The following GABRB3 variants were observed in gnomAD, a reference collection of about 807,000 sequenced individuals.
GABRB3 encodes the protein gamma-aminobutyric acid type A receptor subunit beta3.
A neutral mutation model predicts 52.1 loss-of-function variants in GABRB3; 14 were observed. The ratio of observed to expected loss-of-function variants is 0.27; its 90% CI spans 0.18 to 0.42. GABRB3 has a LOEUF of 0.42. Among genes scored for constraint, GABRB3 ranks in the 10% least tolerant of loss-of-function variants. The pLI, the probability that GABRB3 is intolerant of heterozygous loss-of-function variation, is 1.00. For synonymous variants in GABRB3, 260 were observed against 232.3 expected (o/e 1.12, Z -1.08); for missense variants, 307 against 609.1 (o/e 0.50, Z 5.22).
chr15:26,768,314 T>C (rs1029590359), intron 3 of GABRB3, among the ~76,000 whole-genome samples: 5 of 152,214 alleles, frequency 3.3e-5, no homozygotes, highest in Non-Finnish European at 5.9e-5. Flanking sequence ...TTACTATCAC[T>C]AGAGTCTGAA....
At chr15:26,628,448 T>C (rs1377783487) in intron 3 of GABRB3, among the ~76,000 whole-genome samples, 1 of 152,060 alleles carries the variant, frequency 6.6e-6, no homozygotes, top group Non-Finnish European at 1.5e-5. Context: ...CTAGGTTAAG[T>C]GCTATACTAA....
intron 3 of GABRB3, among the ~76,000 whole-genome samples, chr15:26,746,255 T>C (rs1890336139): frequency 6.6e-6 from 1 of 152,122 alleles, no homozygotes; most frequent in Non-Finnish European, 1.5e-5. Context: ...GCCATCTGTA[T>C]ATACTCTTTC....
At chr15:26,580,631 T>G (rs2140731269) in intron 5 of GABRB3, 175 bp from the exon 6 acceptor site, 1 of 820,954 alleles carries the variant, frequency 1.2e-6, no homozygotes, top group Non-Finnish European at 2.0e-6. Flanking sequence ...ATTCTCATGT[T>G]ACTGCTGCCA....
In GABRB3 at chr15:26,622,758, G is replaced by C. The variant is rs143448680; in HGVS notation, c.241-1224C>G. Among the ~76,000 whole-genome samples, 817 of 152,286 alleles carry C rather than the reference G, an allele frequency of 5.4e-3. 10 individuals are homozygous for C. Among genetic ancestry groups the C allele is most frequent in the African/African-American group, 0.019 (786 of 41,560 alleles). On this transcript the variant is annotated intron_variant, in intron 3 of 8. Transcript: ENST00000311550. ...CTGCTCTCAATAGTGTTGGAATATA[G>C]AGGCTTAGGGACTGATAGAGGACAT...
At chr15:26,596,421 G>C (rs1469633543) in intron 4 of GABRB3, among the ~76,000 whole-genome samples, 1 of 152,074 alleles carries the variant, frequency 6.6e-6, no homozygotes, top group Non-Finnish European at 1.5e-5. Flanking sequence ...CCTGGCTAAT[G>C]CAAGCAGAAA....
At chr15:26,692,363 T>C (rs1182766984) in intron 3 of GABRB3, among the ~76,000 whole-genome samples, 2 of 152,192 alleles carry the variant, frequency 1.3e-5, no homozygotes, top group African/African-American at 4.8e-5. Flanking sequence ...CTACCTTTTC[T>C]TGGTGGCAGC....
At chr15:26,695,845 G>C (rs1888722463) in intron 3 of GABRB3, among the ~76,000 whole-genome samples, 1 of 152,166 alleles carries the variant, frequency 6.6e-6, no homozygotes, top group Admixed American at 6.5e-5. Flanking sequence ...AAAACAGAGA[G>C]CAGAGAGGCT....
chr15:26,654,969 A>C (rs1887321863), intron 3 of GABRB3, among the ~76,000 whole-genome samples: 1 of 152,052 alleles, frequency 6.6e-6, no homozygotes. Context: ...AGTAGCTAAG[A>C]CTGTCACCAT....
rs530415245 is a variant in GABRB3, at chr15:26,723,768, G to A, written c.240+48634C>T. On this transcript the variant is annotated intron_variant, in intron 3 of 8. Coordinates refer to ENST00000311550, the MANE Select transcript of GABRB3 (RefSeq NM_000814.6). ...TTGTTTTGTGAATGAGGATATCACT[G>A]CCTACCACATTTCTCTCTGATTATC... 9.8e-5 allele frequency among the ~76,000 whole-genome samples: 15 copies of A among 152,304 alleles called. No homozygotes were observed. The South Asian group carries it at 1.5e-3, about 15-fold the overall frequency.
In GABRB3 at chr15:26,543,703, A is replaced by G. The variant is rs986820148; in HGVS notation, c.*4090T>C. On this transcript the variant is annotated 3_prime_UTR_variant, in exon 9 of 9. Coordinates refer to ENST00000311550, the MANE Select transcript of GABRB3 (RefSeq NM_000814.6). ...AAACTGGGTTTAAATTTATCTTTAC[A>G]ATAAAATGAAATCAACATGAGAATT... 1 of 152,634 alleles carries G rather than the reference A, an allele frequency of 6.6e-6. No homozygotes were observed. The highest frequency in any genetic ancestry group is 1.5e-5 in the Non-Finnish European group (1 of 68,040). 9.5% of individuals were successfully genotyped at this position (152,634 alleles called of 1,614,324 possible). A position where few individuals can be genotyped will look rare whatever the true frequency, so the allele number is the denominator to read the frequency against.
rs57833685 is a variant in GABRB3, at chr15:26,649,658, C to CTGTGTGTGTGTGTGTGTGTGTGTGTGTG, written c.241-28152_241-28125dup. 1.4e-4 allele frequency among the ~76,000 whole-genome samples: 18 copies of CTGTGTGTGTGTGTGTGTGTGTGTGTGTG among 130,094 alleles called. 1 individual carries two copies. The highest frequency in any genetic ancestry group is 3.0e-4 in the African/African-American group (10 of 32,918). 85.3% of individuals were successfully genotyped at this position (130,094 alleles called of 152,430 possible). ...AGAAGAAAGCAGGACAGAGCCAAGG[C>CTGTGTGTGTGTGTGTGTGTGTGTGTGTG]TGTGTGTGTGTGTGTGTGTGTGTGT... On this transcript the variant is annotated intron_variant, in intron 3 of 8. Transcript: ENST00000311550.
At chr15:26,742,267 G>C (rs915143060) in intron 3 of GABRB3, among the ~76,000 whole-genome samples, 1 of 151,894 alleles carries the variant, frequency 6.6e-6, no homozygotes, top group South Asian at 2.1e-4. Flanking sequence ...TGAAGCCCGG[G>C]AGTCCTTTTA....
intron 3 of GABRB3, among the ~76,000 whole-genome samples, chr15:26,761,351 T>C (rs1485645013): frequency 6.6e-6 from 1 of 151,074 alleles, no homozygotes; most frequent in Non-Finnish European, 1.5e-5. Context: ...GTCAAGACCA[T>C]GGCATTGCAC....
At chr15:26,717,122 C>A (rs1430123792) in intron 3 of GABRB3, among the ~76,000 whole-genome samples, 1 of 101,680 alleles carries the variant, frequency 9.8e-6, no homozygotes, top group Non-Finnish European at 2.2e-5. Flanking sequence ...GGGACATCCG[C>A]CCAATGACAG....
chr15:26,720,720 C>T lies in GABRB3; in HGVS notation c.240+51682G>A, dbSNP rs140809444. Among the ~76,000 whole-genome samples the T allele has an allele frequency of 2.2e-3, 329 of 152,166 alleles. 1 individual carries two copies. The highest frequency in any genetic ancestry group is 7.6e-3 in the African/African-American group (317 of 41,508). ...ATAGGGCCTTCACACATACGCAATC[C>T]CTCAGGATTTTCTAGCTACTTCAAA... On this transcript the variant is annotated intron_variant, in intron 3 of 8. Coordinates refer to ENST00000311550, the MANE Select transcript of GABRB3 (RefSeq NM_000814.6).
At chr15:26,736,659 C>T (rs565757963) in intron 3 of GABRB3, among the ~76,000 whole-genome samples, 25 of 152,356 alleles carry the variant, frequency 1.6e-4, no homozygotes, top group South Asian at 4.1e-4. Flanking sequence ...GGGTGGGGTG[C>T]TGCAGGACAG....
intron 3 of GABRB3, among the ~76,000 whole-genome samples, chr15:26,757,739 A>T (rs7178713): frequency 0.34 from 51,224 of 152,120 alleles, 9,162 homozygotes; most frequent in African/African-American, 0.44. Flanking sequence ...AAAAATGGCA[A>T]AGTTCACTGT....
Position 26,621,265 on chromosome 15 carries a change from A to G in GABRB3, c.461+49T>C. 1 of 1,356,688 alleles carries G rather than the reference A, an allele frequency of 7.4e-7. No individual in the cohort carries two copies. The highest frequency in any genetic ancestry group is 1.1e-6 in the Non-Finnish European group (1 of 946,908). The allele number at this position is 1,356,688 out of a possible 1,614,324, so 84.0% of individuals were successfully genotyped here. ...AATCATCTCAAGTGAGATATTCAACACCCATGCACCATGCAACAGCAAAAT... is the reference window on the plus strand; with the variant it reads ...AATCATCTCAAGTGAGATATTCAACGCCCATGCACCATGCAACAGCAAAAT... On this transcript the variant is annotated intron_variant, in intron 4 of 8. Transcript: ENST00000311550. This position sits in a 1 kb window ranked among gnomAD's most constrained non-coding sequence, Gnocchi z 4.1.
chr15:26,659,538 A>G (rs1887476096), intron 3 of GABRB3, among the ~76,000 whole-genome samples: 1 of 152,250 alleles, frequency 6.6e-6, no homozygotes, highest in South Asian at 2.1e-4. Flanking sequence ...ATAAATAAAT[A>G]AGTAAATAAA....
Sources: gnomAD v4.1 joint callset for allele counts (sites outside exome capture counted in the v4.1 genomes callset) on GRCh38, gnomAD v4.1.1 for gene constraint, Gnocchi (gnomAD v3.1) non-coding constraint, MANE v1.5 for transcripts, NCBI Gene and HGNC (gene_info 2026-07-23, HGNC 2026-07-21) for gene names.